Variants in ABCC5 observed in about 807,000 individuals in gnomAD.
The protein encoded by ABCC5 is ATP-binding cassette sub-family C member 5.
A neutral mutation model predicts 160.9 loss-of-function variants in ABCC5; 61 were observed. That is an observed-to-expected ratio of 0.38 (90% CI 0.31 to 0.47). The LOEUF is 0.47. ABCC5 is among the 20% of genes least tolerant of loss of function. ABCC5 has a pLI of 0.99. For synonymous variants in ABCC5, 666 were observed against 700.6 expected (o/e 0.95, Z 0.78); for missense variants, 1,308 against 1,813.3 (o/e 0.72, Z 5.06).
intron 2 of ABCC5, among the ~76,000 whole-genome samples, chr3:183,998,895 G>C (rs944599995): frequency 1.3e-5 from 2 of 152,036 alleles, no homozygotes; most frequent in African/African-American, 4.8e-5. Flanking sequence ...TTCGAGACCA[G>C]CCTGGCCAAT....
rs376870670 is a variant in ABCC5, at chr3:183,989,583, AAC to A, written c.130-202_130-201del. On this transcript the variant is annotated intron_variant, in intron 2 of 29. Transcript: ENST00000334444. ...TTAAGCTAGATATTTAAAAATTTTA[AAC>A]AGTTTTCTTTTTTTTTTTTTTAGCA... Among the ~76,000 whole-genome samples, 764 of 132,006 alleles carry A rather than the reference AAC, an allele frequency of 5.8e-3. 10 individuals are homozygous for A. Among genetic ancestry groups the A allele is most frequent in the African/African-American group, 0.021 (707 of 34,106 alleles). 86.6% of individuals were successfully genotyped at this position (132,006 alleles called of 152,430 possible).
At chr3:184,011,385 G>C (rs998101949) in intron 2 of ABCC5, 16 of 152,174 alleles carry the variant, frequency 1.1e-4, no homozygotes, top group African/African-American at 2.9e-4. Flanking sequence ...TATAGGAATG[G>C]CTAAAATAAA....
intron 2 of ABCC5, among the ~76,000 whole-genome samples, chr3:184,002,398 CAAA>C (rs541060257): frequency 3.8e-5 from 4 of 105,654 alleles, no homozygotes; most frequent in Admixed American, 1.0e-4. Context: ...GACTCCGTCT[CAAA>C]AAAAAAAAAA....
intron 17 of ABCC5, among the ~76,000 whole-genome samples, chr3:183,954,171 A>G: frequency 6.6e-6 from 1 of 151,452 alleles, no homozygotes; most frequent in East Asian, 1.9e-4. Flanking sequence ...TTTTTGAGAT[A>G]GAGTCTCACT....
In ABCC5 at chr3:183,971,568, G is replaced by C; in HGVS notation, c.1756C>G (p.Gln586Glu). The change falls in exon 11 of 30, where the codon CAA becomes GAA. Residue 586 changes from glutamine to glutamate, a missense_variant. Around this residue, in one of 3 missense-constraint regions of ABCC5, gnomAD observed 1,142 missense variants for 1,527.1 expected, o/e 0.75. Coordinates refer to ENST00000334444, the MANE Select transcript of ABCC5 (RefSeq NM_005688.4). ...GCAGGGGGCGGACCACTTACCTCTT[G>C]GATCTCCAGATCGATGCTGTGCAGT... ...RTLHSIDLEI[Q>E]EGKLVGICGS... is the part of the protein sequence containing the mutation. The C allele has an allele frequency of 6.2e-7, 1 of 1,613,044 alleles. No individual in the cohort carries two copies. Among genetic ancestry groups the C allele is most frequent in the Non-Finnish European group, 8.5e-7 (1 of 1,179,744 alleles).
chr3:183,987,737 TGGA>T lies in ABCC5; in HGVS notation c.591+30_591+32del, dbSNP rs1719352884. ...TTAGAGCTGGCCGTGGCCGGGCCCCTGGAGACTGTCGGAAAGGATGGTTAGAAC... is the reference window on the plus strand; with the variant it reads ...TTAGAGCTGGCCGTGGCCGGGCCCCTGACTGTCGGAAAGGATGGTTAGAAC... On this transcript the variant is annotated intron_variant, in intron 5 of 29. Transcript: ENST00000334444. The surrounding 1 kb of genome is among the most constrained non-coding windows in gnomAD (Gnocchi z 4.2). 2.5e-6 allele frequency: 4 copies of T among 1,613,908 alleles called. No homozygotes were observed. Among genetic ancestry groups the T allele is most frequent in the Admixed American group, 1.7e-5 (1 of 59,996 alleles).
At position 183,988,800 on chromosome 3, in the gene ABCC5, G is replaced by A; in HGVS notation, c.288-73C>T. ...GGGCAGCCCGTGTTTAATGGACACT[G>A]TTTAGTGAACACAGCTCTTAGCTAA... On this transcript the variant is annotated intron_variant, in intron 3 of 29. Transcript: ENST00000334444. The surrounding 1 kb of genome is among the most constrained non-coding windows in gnomAD (Gnocchi z 4.4). The A allele has an allele frequency of 6.8e-7, 1 of 1,478,584 alleles. No homozygotes were observed. The highest frequency in any genetic ancestry group is 2.0e-5 in the Admixed American group (1 of 50,482). 91.6% of individuals were successfully genotyped at this position (1,478,584 alleles called of 1,614,324 possible).
intron 12 of ABCC5, among the ~76,000 whole-genome samples, chr3:183,966,645 G>C (rs1245239951): frequency 6.6e-6 from 1 of 151,982 alleles, no homozygotes; most frequent in Non-Finnish European, 1.5e-5. Flanking sequence ...AAATCTGGTT[G>C]GTCATCATAA....
At chr3:183,954,878 T>C (rs1257364672) in intron 17 of ABCC5, among the ~76,000 whole-genome samples, 1 of 151,926 alleles carries the variant, frequency 6.6e-6, no homozygotes, top group Non-Finnish European at 1.5e-5. Context: ...TCAATATAAG[T>C]GGGGTAATCA....
chr3:183,923,411 T>C lies in ABCC5; in HGVS notation c.4213-2010A>G, dbSNP rs536071895. Among the ~76,000 whole-genome samples the C allele has an allele frequency of 5.3e-5, 8 of 152,130 alleles. No individual in the cohort carries two copies. The South Asian group carries it at 1.7e-3, about 32-fold the overall frequency. On this transcript the variant is annotated intron_variant, in intron 29 of 29. Transcript: ENST00000334444. ...GCTGAGGTGGGCGGATTATCTGAGG[T>C]CAGAAGTTCGAGACCAGCCTGGCCA...
chr3:183,981,931 C>G, intron 7 of ABCC5, 57 bp from the exon 8 acceptor site: 1 of 1,554,812 alleles, frequency 6.4e-7, no homozygotes, highest in Non-Finnish European at 8.7e-7. Context: ...TGAGAACTAC[C>G]TAATCTGCTT....
At chr3:183,983,364 C>T (rs944126275) in intron 5 of ABCC5, 11 of 264,296 alleles carry the variant, frequency 4.2e-5, no homozygotes, top group Non-Finnish European at 7.3e-5. Flanking sequence ...CATTTGTTTA[C>T]ATGAAATTAA....
intron 12 of ABCC5, among the ~76,000 whole-genome samples, 174 bp from the exon 13 acceptor site, chr3:183,965,675 C>A (rs1717152917): frequency 6.6e-6 from 1 of 152,212 alleles, no homozygotes; most frequent in Non-Finnish European, 1.5e-5. Flanking sequence ...CAAAGAAAAT[C>A]AAAGTTCTCC....
In ABCC5 at chr3:183,982,927, G is replaced by A. The variant is rs1718874068; in HGVS notation, c.672C>T (p.Gly224=). Reference sequence around the variant, plus strand: ...ACCGCACGATTTCCGTCAGGAGGAGGCCCAGCACTAACAACAAGCTGTACT... The same window carrying A: ...ACCGCACGATTTCCGTCAGGAGGAGACCCAGCACTAACAACAAGCTGTACT... The part of the protein sequence containing the change: ...NLQYSLLLVL[G]LLLTEIVRSW... The change falls in exon 6 of 30, where the codon GGC becomes GGT. Residue 224 remains glycine (G), a synonymous_variant. Transcript: ENST00000334444. The surrounding 1 kb of genome is among the most constrained non-coding windows in gnomAD (Gnocchi z 5.2). 6.2e-7 allele frequency: 1 copy of A among 1,614,210 alleles called. No homozygotes were observed. The highest frequency in any genetic ancestry group is 8.5e-7 in the Non-Finnish European group (1 of 1,180,054).
rs974778302 is a variant in ABCC5, at chr3:183,982,413, G to T, written c.999+38C>A. 1.9e-6 allele frequency: 3 copies of T among 1,601,410 alleles called. No individual in the cohort carries two copies. The highest frequency in any genetic ancestry group is 1.1e-5 in the South Asian group (1 of 89,288). On this transcript the variant is annotated intron_variant, in intron 7 of 29. Transcript: ENST00000334444. The surrounding 1 kb of genome is among the most constrained non-coding windows in gnomAD (Gnocchi z 5.2). Reference sequence around the variant, plus strand: ...CCAATGGAAGTAACTCATCTCCTAAGGAGAAGCTGCCAGGATTCAGCTGGG... The same window carrying T: ...CCAATGGAAGTAACTCATCTCCTAATGAGAAGCTGCCAGGATTCAGCTGGG...
At chr3:183,933,644 C>G (rs941018561) in intron 26 of ABCC5, among the ~76,000 whole-genome samples, 2 of 152,084 alleles carry the variant, frequency 1.3e-5, no homozygotes, top group African/African-American at 2.4e-5. Context: ...TAAAGGAGGG[C>G]CAGGATGCAG....
At chr3:183,922,518 G>A (rs559402587) in intron 29 of ABCC5, among the ~76,000 whole-genome samples, 1 of 152,248 alleles carries the variant, frequency 6.6e-6, no homozygotes, top group Non-Finnish European at 1.5e-5. Flanking sequence ...GAAGAGCTCA[G>A]AATGTCTAGT....
chr3:183,999,312 G>A (rs1343834391), intron 2 of ABCC5, among the ~76,000 whole-genome samples: 1 of 151,608 alleles, frequency 6.6e-6, no homozygotes, highest in African/African-American at 2.4e-5. Context: ...TTCTACCACA[G>A]TTAACATTCC....
rs191393876 is a variant in ABCC5 at position 183,980,388 on chromosome 3, T to A, written c.1147+1339A>T. Among the ~76,000 whole-genome samples, 18 of 152,324 alleles carry A rather than the reference T, an allele frequency of 1.2e-4. No individual in the cohort carries two copies. In the East Asian group the frequency reaches 3.1e-3, roughly 26 times the overall value. ...CAGGTAAAGATAACCAGTCAGGGGC[T>A]GATGGATGAGGGAAATTTCAGAAAA... On this transcript the variant is annotated intron_variant, in intron 8 of 29. Transcript: ENST00000334444.
Sources: allele counts gnomAD v4.1 joint callset (sites outside exome capture counted in the v4.1 genomes callset), GRCh38; gene constraint gnomAD v4.1.1; regional missense constraint gnomAD v4.1.1; non-coding constraint Gnocchi (gnomAD v3.1); transcripts MANE v1.5; gene names NCBI Gene and HGNC (gene_info 2026-07-23, HGNC 2026-07-21).